The following CCDC57 variants were observed in gnomAD, a reference collection of about 807,000 sequenced individuals.
CCDC57 encodes the protein coiled-coil domain containing 57, also known as coiled-coil domain-containing protein 57.
Under a neutral mutation model 118.9 loss-of-function variants are expected in CCDC57, and 118 were observed. The ratio of observed to expected loss-of-function variants is 0.99; its 90% confidence interval spans 0.86 to 1.16. CCDC57 has a LOEUF of 1.16. Among genes scored for constraint, CCDC57 ranks in the 50% most tolerant of loss-of-function variants. The probability of loss-of-function intolerance (pLI) is 0.00; values close to 1 mark genes in which losing one functional copy is unlikely to be tolerated. For synonymous variants in CCDC57, 527 were observed against 532.9 expected, an observed-to-expected ratio of 0.99 and a Z score of 0.15; for missense variants, 1,300 against 1,320.7, an observed-to-expected ratio of 0.98 and a Z score of 0.24.
chr17:82,193,687 A>G, intron 7 of CCDC57, 69 bp downstream of exon 6: 9 of 1,411,442 alleles, frequency 6.4e-6, no homozygotes, highest in Non-Finnish European at 7.9e-6. Flanking sequence ...CATCAGCACA[A>G]TGGTTCCACT....
At chr17:82,211,438 A>C (rs1427782181) in intron 1 of CCDC57, among the ~76,000 whole-genome samples, 1 of 152,184 alleles carries the variant, frequency 6.6e-6, no homozygotes, top group African/African-American at 2.4e-5. Context: ...CAGCGTCTAC[A>C]TGTTGCTGAA....
chr17:82,194,050 G>A (rs377327247), exon 6 of CCDC57: 646 of 1,613,770 alleles, frequency 4.0e-4, no homozygotes, highest in Non-Finnish European at 5.0e-4. Flanking sequence ...TCTCCAGCTC[G>A]GCGTTGGTGG....
chr17:82,204,599 C>T (rs575630367), intron 2 of CCDC57, among the ~76,000 whole-genome samples: 28 of 152,118 alleles, frequency 1.8e-4, no homozygotes, highest in African/African-American at 1.9e-4. Flanking sequence ...CTGGCTAACA[C>T]GGTGAAACCC....
At chr17:82,174,724 C>T (rs2045249305) in intron 11 of CCDC57, among the ~76,000 whole-genome samples, 1 of 152,254 alleles carries the variant, frequency 6.6e-6, no homozygotes. Context: ...GAGCCCTGCA[C>T]CTGGTACCGT....
At chr17:82,151,292 TACCCAGAACCTGACCCGC>T (rs2042018756) in intron 16 of CCDC57, among the ~76,000 whole-genome samples, 2 of 13,814 alleles carry the variant, frequency 1.4e-4, no homozygotes, top group African/African-American at 2.8e-4. Context: ...ACCAGGCGCA[TACCCAGAACCTGACCCGC>T]ACCCAGAACC....
intron 4 of CCDC57, among the ~76,000 whole-genome samples, chr17:82,197,510 T>C (rs1235397993): frequency 6.6e-6 from 1 of 152,254 alleles, no homozygotes; most frequent in Non-Finnish European, 1.5e-5. Flanking sequence ...TTTAAACTTA[T>C]CATAATTGAA....
intron 19 of CCDC57, among the ~76,000 whole-genome samples, chr17:82,120,227 G>A (rs2036495410): frequency 6.6e-6 from 1 of 151,438 alleles, no homozygotes; most frequent in Admixed American, 6.6e-5. Context: ...CTGGGCTCAA[G>A]TGATCCGCCC....
intron 19 of CCDC57, among the ~76,000 whole-genome samples, chr17:82,109,396 C>T (rs1420159790): frequency 6.6e-6 from 1 of 152,196 alleles, no homozygotes; most frequent in Non-Finnish European, 1.5e-5. Context: ...ACTTGTAAAA[C>T]AGCAGAGAAA....
intron 16 of CCDC57, among the ~76,000 whole-genome samples, chr17:82,144,988 C>T (rs1054034604): frequency 3.3e-5 from 5 of 151,400 alleles, no homozygotes; most frequent in Non-Finnish European, 7.4e-5. Flanking sequence ...TTTAGATTGG[C>T]CCTCCAAATC....
At chr17:82,189,745 C>A (rs971448854) in intron 7 of CCDC57, among the ~76,000 whole-genome samples, 1 of 151,870 alleles carries the variant, frequency 6.6e-6, no homozygotes, top group Non-Finnish European at 1.5e-5. Context: ...CCCAGCTACT[C>A]GGGAGGCTGA....
At chr17:82,123,175 C>G (rs1406179075) in intron 19 of CCDC57, among the ~76,000 whole-genome samples, 1 of 139,720 alleles carries the variant, frequency 7.2e-6, no homozygotes, top group Non-Finnish European at 1.5e-5. Context: ...CTCACCCAGG[C>G]TGGAGTGCAG....
chr17:82,111,377 CTTTT>C (rs752590665), intron 19 of CCDC57, among the ~76,000 whole-genome samples: 1 of 113,254 alleles, frequency 8.8e-6, no homozygotes, highest in Non-Finnish European at 1.7e-5. Context: ...GCCTAGGGCC[CTTTT>C]TTTTTTTTTT....
At chr17:82,163,399 A>G (rs34448080) in intron 13 of CCDC57, 42 bp from the exon 13 acceptor site, 721,666 of 1,600,182 alleles carry the variant, frequency 0.45, 171,196 homozygotes, top group East Asian at 0.89. Flanking sequence ...ACCTGAGAAC[A>G]AAGGAAGACC....
intron 19 of CCDC57, among the ~76,000 whole-genome samples, chr17:82,117,617 T>C (rs2036089223): frequency 6.6e-6 from 1 of 151,976 alleles, no homozygotes; most frequent in Non-Finnish European, 1.5e-5. Context: ...GCTGCGGCAC[T>C]ACACTCCAGC....
intron 8 of CCDC57, among the ~76,000 whole-genome samples, chr17:82,186,645 A>G (rs939154849): frequency 1.3e-5 from 2 of 152,150 alleles, no homozygotes; most frequent in African/African-American, 4.8e-5. Flanking sequence ...CAGAAATACA[A>G]TTTGTCAGAG....
At position 82,151,360 on chromosome 17, in the gene CCDC57, CACACACCCA is replaced by C. The variant is rs1568276986; in HGVS notation, c.2455+191_2455+199del. On this transcript the variant is annotated intron_variant, in intron 16 of 19. Transcript: ENST00000665763. ...AACCAGGTGCACACCCAGAACCTGG[CACACACCCA>C]GAACCTGGCACACACCCAGAACCTG... Among the ~76,000 whole-genome samples the C allele has an allele frequency of 3.9e-3, 582 of 150,462 alleles. 20 individuals carry two copies. The highest frequency in any genetic ancestry group is 0.013 in the African/African-American group (550 of 40,848).
At chr17:82,139,152 G>C (rs1389579092) in intron 16 of CCDC57, among the ~76,000 whole-genome samples, 1 of 152,136 alleles carries the variant, frequency 6.6e-6, no homozygotes, top group Admixed American at 6.5e-5. Flanking sequence ...TCTGTTTCTG[G>C]CATCTTTGAA....
intron 9 of CCDC57, among the ~76,000 whole-genome samples, chr17:82,181,287 C>T (rs769018952): frequency 1.3e-5 from 2 of 152,212 alleles, no homozygotes; most frequent in Non-Finnish European, 2.9e-5. Context: ...GCGCTGATTC[C>T]CAGAGCTCGT....
chr17:82,141,691 T>C (rs184714997), intron 16 of CCDC57, among the ~76,000 whole-genome samples: 47 of 152,272 alleles, frequency 3.1e-4, no homozygotes, highest in Non-Finnish European at 5.0e-4. Flanking sequence ...CGCCTGATGA[T>C]TGGGTTTTCA....
Sources: allele counts gnomAD v4.1 joint callset (sites outside exome capture counted in the v4.1 genomes callset), GRCh38; gene constraint gnomAD v4.1.1; transcripts MANE v1.5; gene names NCBI Gene and HGNC (gene_info 2026-07-23, HGNC 2026-07-21).